PLCXD3: variants seen among roughly 807,000 people sequenced by gnomAD.
PLCXD3 encodes the protein phosphatidylinositol specific phospholipase C X domain containing 3, also known as PI-PLC X domain-containing protein 3.
In PLCXD3, 19 loss-of-function variants were observed where a neutral mutation model predicts 25.5. That is an observed-to-expected ratio of 0.75 (90% CI 0.52 to 1.09). The LOEUF (loss-of-function observed/expected upper bound fraction) is 1.09. Ranked by LOEUF, PLCXD3 falls within the 50% of genes least tolerant of loss-of-function variation. PLCXD3 has a pLI of 0.00. For missense variants in PLCXD3, 411 were observed against 388.1 expected, an observed-to-expected ratio of 1.06 and a Z score of -0.50; for synonymous variants, 174 against 137.6, an observed-to-expected ratio of 1.26 and a Z score of -1.85.
intron 2 of PLCXD3, among the ~76,000 whole-genome samples, chr5:41,376,135 C>T (rs572161977): frequency 1.3e-5 from 2 of 152,054 alleles, no homozygotes; most frequent in Non-Finnish European, 2.9e-5. Context: ...ACCTTACACT[C>T]AAGATGATCA....
intron 2 of PLCXD3, among the ~76,000 whole-genome samples, chr5:41,378,180 T>G (rs1033595640): frequency 4.6e-5 from 7 of 152,118 alleles, no homozygotes; most frequent in Admixed American, 1.3e-4. Context: ...TTGCAAGGCA[T>G]GACCCCAGAG....
intron 1 of PLCXD3, among the ~76,000 whole-genome samples, chr5:41,498,060 A>G (rs1488113577): frequency 6.6e-6 from 1 of 151,776 alleles, no homozygotes; most frequent in Non-Finnish European, 1.5e-5. Context: ...CAGTACCGAG[A>G]GATTTACAGT....
In PLCXD3 at chr5:41,313,594, C is replaced by A; in HGVS notation, c.*23G>T. The A allele has an allele frequency of 6.2e-7, 1 of 1,613,118 alleles. No homozygotes were observed. Among genetic ancestry groups the A allele is most frequent in the Non-Finnish European group, 8.5e-7 (1 of 1,179,270 alleles). ...TACAATGAGCTTTCTCCATCTTATTCATGGAAACTCCAAGTAGTGCTATCA... is the reference window on the plus strand; with the variant it reads ...TACAATGAGCTTTCTCCATCTTATTAATGGAAACTCCAAGTAGTGCTATCA... On this transcript the variant is annotated 3_prime_UTR_variant, in exon 3 of 3. Coordinates refer to ENST00000377801, the MANE Select transcript of PLCXD3 (RefSeq NM_001005473.3).
intron 1 of PLCXD3, among the ~76,000 whole-genome samples, chr5:41,500,659 G>GT (rs1302336840): frequency 6.6e-6 from 1 of 151,736 alleles, no homozygotes; most frequent in Non-Finnish European, 1.5e-5. Context: ...ATGAAGTTGG[G>GT]TTTGGCAATG....
At chr5:41,436,463 C>T (rs1461272747) in intron 1 of PLCXD3, among the ~76,000 whole-genome samples, 1 of 152,258 alleles carries the variant, frequency 6.6e-6, no homozygotes, top group South Asian at 2.1e-4. Flanking sequence ...ACCCACAAGA[C>T]TAGTTCAGAG....
intron 1 of PLCXD3, among the ~76,000 whole-genome samples, chr5:41,409,641 C>T (rs1008783089): frequency 6.6e-6 from 1 of 152,172 alleles, no homozygotes; most frequent in African/African-American, 2.4e-5. Flanking sequence ...GTCTATCTCT[C>T]CCCACTAGCA....
intron 1 of PLCXD3, among the ~76,000 whole-genome samples, chr5:41,496,609 G>A (rs1748843523): frequency 1.6e-5 from 2 of 123,882 alleles, no homozygotes; most frequent in South Asian, 2.8e-4. Context: ...TAAAGGAAAG[G>A]TAAAGCTTTT....
intron 1 of PLCXD3, among the ~76,000 whole-genome samples, chr5:41,440,829 C>T (rs1056174742): frequency 6.6e-5 from 10 of 152,116 alleles, no homozygotes; most frequent in Non-Finnish European, 1.0e-4. Context: ...CCAAAGAATA[C>T]CTTACCTTGT....
In PLCXD3 at chr5:41,433,058, A is replaced by C. The variant is rs184084195; in HGVS notation, c.104-50524T>G. On this transcript the variant is annotated intron_variant, in intron 1 of 2. Transcript: ENST00000377801. ...ATGCTGCACACCTGGAGCTCTGTTC[A>C]ATTAGCCGGTGCAGAGGCCAGCTTT... 1.8e-3 allele frequency among the ~76,000 whole-genome samples: 274 copies of C among 152,320 alleles called. 2 individuals carry two copies. The highest frequency in any genetic ancestry group is 6.4e-3 in the African/African-American group (264 of 41,568).
chr5:41,367,053 G>C (rs767946260), intron 2 of PLCXD3, among the ~76,000 whole-genome samples: 8 of 152,042 alleles, frequency 5.3e-5, no homozygotes, highest in Non-Finnish European at 8.8e-5. Context: ...TGGGCATTTG[G>C]GTTGATTCCA....
intron 1 of PLCXD3, among the ~76,000 whole-genome samples, chr5:41,450,635 C>T (rs1408403608): frequency 1.3e-5 from 2 of 152,188 alleles, no homozygotes; most frequent in East Asian, 1.9e-4. Context: ...CAATTTCACT[C>T]TCATCTTCCC....
intron 1 of PLCXD3, among the ~76,000 whole-genome samples, chr5:41,489,757 A>G (rs1055363853): frequency 1.3e-5 from 2 of 151,910 alleles, no homozygotes; most frequent in African/African-American, 4.8e-5. Flanking sequence ...GTGTATAAGA[A>G]TGCTTGTGAT....
At chr5:41,498,030 C>A (rs561816472) in intron 1 of PLCXD3, among the ~76,000 whole-genome samples, 1 of 151,408 alleles carries the variant, frequency 6.6e-6, no homozygotes, top group Admixed American at 6.6e-5. Flanking sequence ...CATTCCAAAA[C>A]GTATGAAATG....
chr5:41,334,969 A>G (rs1230106140), intron 2 of PLCXD3, among the ~76,000 whole-genome samples: 1 of 152,186 alleles, frequency 6.6e-6, no homozygotes. Flanking sequence ...TGCAATTTTT[A>G]AACAAAGAGA....
chr5:41,423,919 T>A (rs748242828), intron 1 of PLCXD3, among the ~76,000 whole-genome samples: 22 of 152,228 alleles, frequency 1.4e-4, no homozygotes, highest in Non-Finnish European at 2.5e-4. Flanking sequence ...AAAATACCCA[T>A]CACCTCACAT....
intron 2 of PLCXD3, among the ~76,000 whole-genome samples, chr5:41,333,917 T>C (rs557032486): frequency 1.5e-4 from 23 of 152,304 alleles, no homozygotes; most frequent in Non-Finnish European, 2.6e-4. Flanking sequence ...CCCCTCACCT[T>C]GACTTTCCCA....
intron 1 of PLCXD3, among the ~76,000 whole-genome samples, chr5:41,487,971 G>T (rs961780740): frequency 1.3e-4 from 20 of 151,092 alleles, no homozygotes; most frequent in Non-Finnish European, 2.4e-4. Flanking sequence ...CAATGTGCAG[G>T]TTAGTTACAT....
At chr5:41,421,679 C>A (rs903932341) in intron 1 of PLCXD3, among the ~76,000 whole-genome samples, 1 of 151,924 alleles carries the variant, frequency 6.6e-6, no homozygotes, top group African/African-American at 2.4e-5. Flanking sequence ...CAGGCCTGGG[C>A]GAAAGAGCGA....
intron 1 of PLCXD3, among the ~76,000 whole-genome samples, chr5:41,402,602 T>G (rs1746219242): frequency 6.6e-6 from 1 of 151,900 alleles, no homozygotes; most frequent in Non-Finnish European, 1.5e-5. Flanking sequence ...GTGCAAGTCT[T>G]CCATATCTCT....
Sources: gnomAD v4.1 joint callset for allele counts (sites outside exome capture counted in the v4.1 genomes callset) on GRCh38, gnomAD v4.1.1 for gene constraint, MANE v1.5 for transcripts, NCBI Gene and HGNC (gene_info 2026-07-23, HGNC 2026-07-21) for gene names.